OXSR1: variants seen among roughly 807,000 people sequenced by gnomAD.
The protein encoded by OXSR1 is serine/threonine-protein kinase OSR1.
OXSR1 carries 24 observed loss-of-function variants against 79.8 expected under a neutral mutation model. The ratio of observed to expected loss-of-function variants is 0.30; its 90% CI spans 0.22 to 0.42. The LOEUF is 0.42. Among genes scored for constraint, OXSR1 ranks in the 10% least tolerant of loss-of-function variants. OXSR1 has a pLI of 1.00. For synonymous variants in OXSR1, 226 were observed against 209.2 expected (o/e 1.08, Z -0.69); for missense variants, 430 against 618.4 (o/e 0.70, Z 3.23).
chr3:38,209,954 G>A lies in OXSR1; in HGVS notation c.435-6142G>A, dbSNP rs142619098. ...TTCTTTTAACATTTCTTGCAAGGCA[G>A]GTCTGCTCACTGCAAAGTCCCTCAG... On this transcript the variant is annotated intron_variant, in intron 4 of 17. Transcript: ENST00000311806. 4.0e-3 allele frequency among the ~76,000 whole-genome samples: 615 copies of A among 152,184 alleles called. 5 individuals are homozygous for A. Among genetic ancestry groups the A allele is most frequent in the African/African-American group, 0.013 (527 of 41,546 alleles).
At chr3:38,230,567 T>C (rs1702784448) in intron 10 of OXSR1, 137 bp downstream of exon 10, 1 of 636,900 alleles carries the variant, frequency 1.6e-6, no homozygotes, top group Admixed American at 2.7e-5. Flanking sequence ...CATTCTTTGA[T>C]ACATTCATTC....
chr3:38,232,079 C>A (rs1702819775), intron 10 of OXSR1, among the ~76,000 whole-genome samples: 1 of 152,048 alleles, frequency 6.6e-6, no homozygotes, highest in Non-Finnish European at 1.5e-5. Context: ...TGTACTCCAG[C>A]CTGGGCGACA....
intron 3 of OXSR1, among the ~76,000 whole-genome samples, chr3:38,197,798 C>A (rs1015476589): frequency 1.3e-5 from 2 of 152,180 alleles, no homozygotes; most frequent in African/African-American, 4.8e-5. Flanking sequence ...CCCAGTAGGG[C>A]AAGTTTTTAA....
At chr3:38,223,978 A>G in intron 7 of OXSR1, 65 bp downstream of exon 7, 1 of 967,622 alleles carries the variant, frequency 1.0e-6, no homozygotes, top group Non-Finnish European at 1.6e-6. Flanking sequence ...GCCATTTGCC[A>G]GTCTTTTAAT....
intron 14 of OXSR1, among the ~76,000 whole-genome samples, chr3:38,249,747 A>G (rs1255811345): frequency 2.0e-5 from 3 of 152,184 alleles, no homozygotes; most frequent in Admixed American, 6.5e-5. Context: ...TATATTGATC[A>G]GTAAGGGACA....
rs35767016 is a variant in OXSR1, at chr3:38,168,211, T to C, written c.70+2265T>C. On this transcript the variant is annotated intron_variant, in intron 1 of 17. Transcript: ENST00000311806. ...AAAACAACTTTACTGAGGTATAATT[T>C]AATATAAAATTCACCCATTTTAAGT... Among the ~76,000 whole-genome samples the C allele has an allele frequency of 2.5e-3, 385 of 152,356 alleles. 4 individuals carry two copies. The highest frequency in any genetic ancestry group is 7.9e-3 in the African/African-American group (328 of 41,588).
At chr3:38,187,775 G>A (rs1425881712) in intron 2 of OXSR1, among the ~76,000 whole-genome samples, 5 of 151,884 alleles carry the variant, frequency 3.3e-5, no homozygotes, top group East Asian at 1.9e-4. Flanking sequence ...AAATAGAGGC[G>A]GAGTCTCACT....
intron 1 of OXSR1, among the ~76,000 whole-genome samples, chr3:38,167,100 C>G (rs996972468): frequency 7.2e-5 from 11 of 152,146 alleles, no homozygotes; most frequent in Non-Finnish European, 1.5e-5. Flanking sequence ...GGAGCCAGAT[C>G]TTAGGGATCT....
chr3:38,237,478 A>G (rs1702942872), intron 11 of OXSR1, among the ~76,000 whole-genome samples: 1 of 152,200 alleles, frequency 6.6e-6, no homozygotes, highest in Non-Finnish European at 1.5e-5. Context: ...GTCAGGACTC[A>G]TTCATTCCTA....
chr3:38,231,001 A>G lies in OXSR1; in HGVS notation c.951+571A>G, dbSNP rs574918861. Among the ~76,000 whole-genome samples, 172 of 152,272 alleles carry G rather than the reference A, an allele frequency of 1.1e-3. 1 individual carries two copies. The highest frequency in any genetic ancestry group is 3.9e-3 in the African/African-American group (164 of 41,548). ...TTCTCTGCTCAAGCAGACTTATCCA[A>G]TGTGAAGGAAAGGAGGCAGTTTGGG... On this transcript the variant is annotated intron_variant, in intron 10 of 17. Transcript: ENST00000311806.
At chr3:38,184,355 A>G (rs1296061078) in intron 2 of OXSR1, among the ~76,000 whole-genome samples, 1 of 152,196 alleles carries the variant, frequency 6.6e-6, no homozygotes, top group Non-Finnish European at 1.5e-5. Context: ...GAGAATGCAT[A>G]CTTCGAAGGA....
At position 38,252,789 on chromosome 3, in the gene OXSR1, A is replaced by C. The variant is rs373769046; in HGVS notation, c.1510-28A>C. On this transcript the variant is annotated intron_variant, in intron 17 of 17. Coordinates refer to ENST00000311806, the MANE Select transcript of OXSR1 (RefSeq NM_005109.3). ...CCTGCAAGTTTGTTTATAAATAATCACAGTTTCTCATTTTGTTTGGTTCTT... is the reference window on the plus strand; with the variant it reads ...CCTGCAAGTTTGTTTATAAATAATCCCAGTTTCTCATTTTGTTTGGTTCTT... 171 of 1,572,822 alleles carry C rather than the reference A, an allele frequency of 1.1e-4. No individual in the cohort carries two copies. In the African/African-American group the frequency reaches 1.8e-3, roughly 16 times the overall value.
upstream of OXSR1, chr3:38,165,021 G>A (rs555410387): frequency 2.0e-5 from 3 of 152,360 alleles, no homozygotes; most frequent in African/African-American, 7.2e-5. Context: ...ACGTCTCGAG[G>A]GTGTGACGGT....
At chr3:38,197,959 T>A (rs1559508427) in intron 3 of OXSR1, among the ~76,000 whole-genome samples, 1 of 152,216 alleles carries the variant, frequency 6.6e-6, no homozygotes, top group Non-Finnish European at 1.5e-5. Flanking sequence ...GTTCTGTGAT[T>A]GTTATGGGCC....
intron 4 of OXSR1, among the ~76,000 whole-genome samples, chr3:38,200,863 A>G (rs1702150166): frequency 1.3e-5 from 2 of 152,206 alleles, no homozygotes; most frequent in African/African-American, 2.4e-5. Context: ...TCAGAAATGT[A>G]GTGATTTATG....
In OXSR1 at chr3:38,224,890, G is replaced by A. The variant is rs143728326; in HGVS notation, c.836+186G>A. 2.5e-4 allele frequency: 108 copies of A among 430,592 alleles called. 1 individual carries two copies. The East Asian group carries it at 3.7e-3, about 15-fold the overall frequency. The allele number at this position is 430,592 out of a possible 1,614,324, so 26.7% of individuals were successfully genotyped here. A position where few individuals can be genotyped will look rare whatever the true frequency, so the allele number is the denominator to read the frequency against. On this transcript the variant is annotated intron_variant, in intron 8 of 17. Coordinates refer to ENST00000311806, the MANE Select transcript of OXSR1 (RefSeq NM_005109.3). ...TTCTGCCTTCTTTGTAGTATACAGT[G>A]TACCCTAAATAGTTCAGCTTTTTCC...
At chr3:38,217,226 G>A (rs1336682464) in intron 5 of OXSR1, among the ~76,000 whole-genome samples, 2 of 152,200 alleles carry the variant, frequency 1.3e-5, no homozygotes, top group African/African-American at 2.4e-5. Context: ...GTGATAACAC[G>A]TTAAATTGAT....
intron 1 of OXSR1, among the ~76,000 whole-genome samples, chr3:38,176,788 T>G (rs1453099582): frequency 6.6e-6 from 1 of 152,246 alleles, no homozygotes; most frequent in African/African-American, 2.4e-5. Context: ...ACAATTATGA[T>G]TGATAATACA....
At chr3:38,213,772 G>A (rs1008062187) in intron 4 of OXSR1, among the ~76,000 whole-genome samples, 3 of 152,076 alleles carry the variant, frequency 2.0e-5, no homozygotes, top group Admixed American at 2.0e-4. Context: ...CTGGTCCAAA[G>A]GGAATCACTT....
Sources: gnomAD v4.1 joint callset for allele counts (sites outside exome capture counted in the v4.1 genomes callset) on GRCh38, gnomAD v4.1.1 for gene constraint, MANE v1.5 for transcripts, NCBI Gene and HGNC (gene_info 2026-07-23, HGNC 2026-07-21) for gene names.